The following FRMPD4 variants were observed in gnomAD, a reference collection of about 807,000 sequenced individuals.
FRMPD4 encodes FERM and PDZ domain containing 4, also known as FERM and PDZ domain-containing protein 4.
FRMPD4 carries 22 observed loss-of-function variants against 94.1 expected under a neutral mutation model. The observed-to-expected ratio is 0.23, with a 90% CI of 0.17 to 0.33. FRMPD4 has a LOEUF of 0.33. Ranked by LOEUF, FRMPD4 falls within the 10% of genes least tolerant of loss-of-function variation. FRMPD4 has a pLI of 1.00. For synonymous variants in FRMPD4, 631 were observed against 548.6 expected (o/e 1.15, Z -2.10); for missense variants, 1,111 against 1,339.9 (o/e 0.83, Z 2.67).
chrX:12,530,311 A>G (rs1441223962), intron 2 of FRMPD4, among the ~76,000 whole-genome samples: 2 of 111,822 alleles, frequency 1.8e-5, no homozygotes, highest in Non-Finnish European at 1.9e-5. Flanking sequence ...GGGATGGAGA[A>G]TTATCATGGC....
chrX:11,908,033 T>C (rs772818589), intron 3 of FRMPD4, among the ~76,000 whole-genome samples: 6 of 110,354 alleles, frequency 5.4e-5, no homozygotes, highest in Non-Finnish European at 9.5e-5. Flanking sequence ...TTTTTCCTCT[T>C]ACTCTTCCTT....
chrX:12,331,743 T>A lies in FRMPD4; in HGVS notation c.42-166937T>A, dbSNP rs867646525. On this transcript the variant is annotated intron_variant, in intron 1 of 16. Transcript: ENST00000675598. The stretch of plus-strand genomic sequence containing the variant: ...ATATATAGTATATAAATATATAATT[T>A]ATATATTTATATACTATATATAAAT... Among the ~76,000 whole-genome samples, 19 of 60,893 alleles carry A rather than the reference T, an allele frequency of 3.1e-4. 5 individuals carry two copies. Among genetic ancestry groups the A allele is most frequent in the African/African-American group, 1.9e-3 (19 of 10,155 alleles). 52.9% of individuals were successfully genotyped at this position (60,893 alleles called of 115,157 possible). A position where few individuals can be genotyped will look rare whatever the true frequency, so the allele number is the denominator to read the frequency against.
intron 1 of FRMPD4, among the ~76,000 whole-genome samples, chrX:12,161,556 A>G (rs1210212335): frequency 3.6e-5 from 4 of 111,876 alleles, no homozygotes; most frequent in African/African-American, 1.3e-4. Context: ...TTCCGGTTTT[A>G]TAGAGGTAGA....
intron 2 of FRMPD4, among the ~76,000 whole-genome samples, chrX:12,545,040 G>A (rs775204911): frequency 7.2e-5 from 8 of 111,037 alleles, no homozygotes; most frequent in Admixed American, 9.7e-5. Context: ...CACCCTGTTC[G>A]TGGACAGTTA....
chrX:12,194,502 G>A (rs1329033096), intron 1 of FRMPD4, among the ~76,000 whole-genome samples: 2 of 110,931 alleles, frequency 1.8e-5, no homozygotes, highest in Non-Finnish European at 3.8e-5. Flanking sequence ...AAAATTTGGG[G>A]TGCTGCCCCG....
At chrX:12,585,316 G>A (rs1463077142) in intron 2 of FRMPD4, among the ~76,000 whole-genome samples, 1 of 109,226 alleles carries the variant, frequency 9.2e-6, no homozygotes, top group Non-Finnish European at 1.9e-5. Context: ...TGCCTCCCAG[G>A]TTCAAGCAAT....
At chrX:12,534,792 T>A (rs1204137995) in intron 2 of FRMPD4, among the ~76,000 whole-genome samples, 4 of 112,527 alleles carry the variant, frequency 3.6e-5, no homozygotes, top group Non-Finnish European at 1.9e-5. Context: ...TTCCTTTTGA[T>A]TTTACAGGCT....
chrX:12,193,509 G>A (rs1036807020), intron 1 of FRMPD4, among the ~76,000 whole-genome samples: 4 of 107,983 alleles, frequency 3.7e-5, no homozygotes, highest in Non-Finnish European at 5.7e-5. Flanking sequence ...GGAATATATG[G>A]TAATTGGATA....
rs375459342 is a variant in FRMPD4, at chrX:12,479,432, A to ATG, written c.42-19247_42-19246insGT. On this transcript the variant is annotated intron_variant, in intron 1 of 16. Transcript: ENST00000675598. ...TATATATACATATATACGTATATATATACACACATATATGTATATATATGT... is the reference window on the plus strand; with the variant it reads ...TATATATACATATATACGTATATATATGTACACACATATATGTATATATATGT... Among the ~76,000 whole-genome samples, 59 of 96,544 alleles carry ATG rather than the reference A, an allele frequency of 6.1e-4. 1 individual carries two copies. The South Asian group carries it at 0.016, about 26-fold the overall frequency. 83.8% of individuals were successfully genotyped at this position (96,544 alleles called of 115,157 possible).
At chrX:12,243,067 A>G (rs770540154) in intron 1 of FRMPD4, among the ~76,000 whole-genome samples, 31 of 112,037 alleles carry the variant, frequency 2.8e-4, no homozygotes, top group Non-Finnish European at 4.7e-4. Flanking sequence ...TCTTTTGTAG[A>G]AATGGGATCT....
At chrX:12,170,029 C>T (rs1039139763) in intron 1 of FRMPD4, among the ~76,000 whole-genome samples, 1 of 111,519 alleles carries the variant, frequency 9.0e-6, no homozygotes, top group Admixed American at 9.5e-5. Flanking sequence ...CATAATTTTC[C>T]GCAAAATATT....
chrX:12,038,095 A>G (rs190252904), intron 3 of FRMPD4, among the ~76,000 whole-genome samples: 203 of 112,346 alleles, frequency 1.8e-3, no homozygotes, highest in Non-Finnish European at 2.3e-3. Context: ...TAGCATTAAT[A>G]TACTAGTATT....
At position 12,675,001 on chromosome X, in the gene FRMPD4, C is replaced by T; in HGVS notation, c.468+93C>T. ...GTAAAACCATAATGATGAATAACAG[C>T]AGAGAAAAATAACATGCACTCACAA... On this transcript the variant is annotated intron_variant, in intron 5 of 16. Coordinates refer to ENST00000675598, the MANE Select transcript of FRMPD4 (RefSeq NM_001368397.1). 4.8e-6 allele frequency: 3 copies of T among 622,113 alleles called. No individual in the cohort carries two copies. In the East Asian group the frequency reaches 9.8e-5, roughly 20 times the overall value. The allele number at this position is 622,113 out of a possible 1,213,427, so 51.3% of individuals were successfully genotyped here.
At chrX:12,168,313 G>C (rs1250597578) in intron 1 of FRMPD4, among the ~76,000 whole-genome samples, 2 of 102,125 alleles carry the variant, frequency 2.0e-5, no homozygotes, top group East Asian at 7.2e-4. Flanking sequence ...CTTTGGAGTT[G>C]TTTTGTTATG....
chrX:12,076,555 T>C (rs919041920), intron 3 of FRMPD4, among the ~76,000 whole-genome samples: 4 of 110,899 alleles, frequency 3.6e-5, no homozygotes, highest in Non-Finnish European at 5.7e-5. Context: ...AGAGTCCTAG[T>C]TGAAAACTAC....
At chrX:12,577,097 G>T (rs1009524350) in intron 2 of FRMPD4, among the ~76,000 whole-genome samples, 1 of 111,987 alleles carries the variant, frequency 8.9e-6, no homozygotes, top group African/African-American at 3.3e-5. Flanking sequence ...TATAGTGGGG[G>T]CTCAGTAAAT....
At chrX:11,923,854 C>G (rs773171893) in intron 3 of FRMPD4, among the ~76,000 whole-genome samples, 10 of 112,492 alleles carry the variant, frequency 8.9e-5, no homozygotes, top group African/African-American at 3.2e-4. Context: ...ATGCTGAAAA[C>G]TCAAAAAGCC....
At position 11,890,544 on chromosome X, in the gene FRMPD4, T is replaced by C. The variant is rs150505677; in HGVS notation, c.95+12526T>C. Among the ~76,000 whole-genome samples the C allele has an allele frequency of 5.5e-3, 622 of 112,576 alleles. 1 individual carries two copies. The highest frequency in any genetic ancestry group is 0.019 in the African/African-American group (594 of 30,928). The stretch of plus-strand genomic sequence containing the variant: ...TATTGCCTATTATGTGGTTTGTTTT[T>C]CAAAGCCTTACCCTTAGCTCTTCAC... On this transcript the variant is annotated intron_variant, in intron 3 of 18. Transcript: ENST00000640291.
chrX:12,032,770 C>T (rs1426993541), intron 3 of FRMPD4, among the ~76,000 whole-genome samples: 1 of 112,007 alleles, frequency 8.9e-6, no homozygotes, highest in Non-Finnish European at 1.9e-5. Flanking sequence ...AAGTACTTAA[C>T]ATGATAACTT....
Sources: gnomAD v4.1 joint callset for allele counts (sites outside exome capture counted in the v4.1 genomes callset) on GRCh38, gnomAD v4.1.1 for gene constraint, MANE v1.5 for transcripts, NCBI Gene and HGNC (gene_info 2026-07-23, HGNC 2026-07-21) for gene names.